Variants in SP110 observed in about 807,000 individuals in gnomAD.
SP110 encodes interferon-induced protein 41, 30kD.
A neutral mutation model predicts 92.7 loss-of-function variants in SP110; 62 were observed. The observed-to-expected ratio is 0.67, with a 90% CI of 0.55 to 0.83. SP110 has a LOEUF of 0.83. Ranked by LOEUF, SP110 falls within the 40% of genes least tolerant of loss-of-function variation. SP110 has a pLI of 0.00. For missense variants in SP110, 793 were observed against 863.9 expected, an observed-to-expected ratio of 0.92 and a Z score of 1.03; for synonymous variants, 273 against 305.3, an observed-to-expected ratio of 0.89 and a Z score of 1.10.
intron 12 of SP110, among the ~76,000 whole-genome samples, chr2:230,180,858 T>A (rs770779274): frequency 6.6e-6 from 1 of 152,178 alleles, no homozygotes; most frequent in South Asian, 2.1e-4. Flanking sequence ...GCTTTCTAGG[T>A]TCATTTACAT....
Position 230,209,979 on chromosome 2 carries a change from C to A in SP110, c.781G>T (p.Asp261Tyr). The change falls in exon 7 of 19, where the codon GAC becomes TAC. Residue 261 changes from aspartate to tyrosine, a missense_variant. Transcript: ENST00000258381. ...GACACCTCCTGGGGCTCTTCTGGGTCATTTGGTTCTGGAGAATTATCTCTT... is the reference window on the plus strand; with the variant it reads ...GACACCTCCTGGGGCTCTTCTGGGTAATTTGGTTCTGGAGAATTATCTCTT... ...EIRDNSPEPN[D>Y]PEEPQEVSST... 1 of 1,609,158 alleles carries A rather than the reference C, an allele frequency of 6.2e-7. No homozygotes were observed. Among genetic ancestry groups the A allele is most frequent in the South Asian group, 1.1e-5 (1 of 91,002 alleles).
chr2:230,175,511 C>A (rs781459375), intron 14 of SP110, among the ~76,000 whole-genome samples: 1 of 152,176 alleles, frequency 6.6e-6, no homozygotes, highest in Non-Finnish European at 1.5e-5. Context: ...GTATTTCAGA[C>A]CAGCATGGGA....
upstream of SP110, among the ~76,000 whole-genome samples, chr2:230,223,576 G>A (rs1209858022): frequency 6.6e-6 from 1 of 152,194 alleles, no homozygotes; most frequent in African/African-American, 2.4e-5. Flanking sequence ...AAAATGTTGG[G>A]CACCAGAGGT....
intron 12 of SP110, among the ~76,000 whole-genome samples, chr2:230,181,726 G>C (rs990898607): frequency 6.6e-6 from 1 of 152,232 alleles, no homozygotes; most frequent in Non-Finnish European, 1.5e-5. Context: ...GAGCATTAGA[G>C]AGCTGCAAAT....
chr2:230,191,020 G>T (rs530308167), intron 10 of SP110, among the ~76,000 whole-genome samples: 49 of 152,200 alleles, frequency 3.2e-4, no homozygotes, highest in Non-Finnish European at 6.0e-4. Context: ...TTTTGCTTAG[G>T]ATTGTCCTAG....
intron 9 of SP110, 113 bp from the exon 10 acceptor site, chr2:230,201,078 CT>C: frequency 1.2e-6 from 1 of 815,470 alleles, no homozygotes; most frequent in Non-Finnish European, 2.2e-6. Context: ...GGCTCCAGGT[CT>C]TACCCTCCTA....
chr2:230,167,966 G>A lies in SP110; in HGVS notation c.*1158C>T, dbSNP rs1387471132. ...CAAATTGAGGAGTTTCTCACTAAAA[G>A]TGGGGAACTTGCACATGCCTGTAAT... On this transcript the variant is annotated 3_prime_UTR_variant, in exon 19 of 19. Transcript: ENST00000258381. 1.3e-5 allele frequency: 2 copies of A among 151,942 alleles called. No homozygotes were observed. Among genetic ancestry groups the A allele is most frequent in the Non-Finnish European group, 2.9e-5 (2 of 67,996 alleles). The allele number at this position is 151,942 out of a possible 1,614,324, so 9.4% of individuals were successfully genotyped here.
At chr2:230,218,360 A>T (rs2148962931) in intron 1 of SP110, among the ~76,000 whole-genome samples, 1 of 152,346 alleles carries the variant, frequency 6.6e-6, no homozygotes, top group South Asian at 2.1e-4. Flanking sequence ...CATGAAAAGA[A>T]TAATCCGCAA....
chr2:230,218,843 A>G (rs2148966231), intron 1 of SP110, among the ~76,000 whole-genome samples: 1 of 152,350 alleles, frequency 6.6e-6, no homozygotes, highest in East Asian at 1.9e-4. Flanking sequence ...TAGAAAATAA[A>G]AAAGCAAAAT....
chr2:230,213,732 AG>A (rs2148931775), intron 3 of SP110: 1 of 152,812 alleles, frequency 6.5e-6, no homozygotes, highest in South Asian at 2.1e-4. Context: ...CAAAATCATC[AG>A]GTTGAAGATC....
chr2:230,177,513 C>T (rs1302058443), intron 14 of SP110, 25 bp downstream of exon 14: 9 of 1,612,498 alleles, frequency 5.6e-6, no homozygotes, highest in Non-Finnish European at 7.6e-6. Context: ...AAACCTGTCA[C>T]CTATCTGTCC....
At chr2:230,173,650 G>C (rs1254755791) in intron 14 of SP110, 2 of 152,144 alleles carry the variant, frequency 1.3e-5, no homozygotes, top group Non-Finnish European at 2.9e-5. Flanking sequence ...TATCCCCACT[G>C]TTTCTCCATT....
chr2:230,212,924 G>C lies in SP110; in HGVS notation c.420C>G (p.Pro140=). The C allele has an allele frequency of 6.2e-7, 1 of 1,614,070 alleles. No homozygotes were observed. The highest frequency in any genetic ancestry group is 8.5e-7 in the Non-Finnish European group (1 of 1,179,994). Residue 140 remains proline (P), a synonymous_variant, in exon 4 of 19, where the codon CCC becomes CCG. Coordinates refer to ENST00000258381, the MANE Select transcript of SP110 (RefSeq NM_080424.4). Reference sequence around the variant, plus strand: ...AGCTTGGTTGAGGGGGTTGTGGTGGGGGCAGCGCCAGTGGGGTATGGAGGG... The same window carrying C: ...AGCTTGGTTGAGGGGGTTGTGGTGGCGGCAGCGCCAGTGGGGTATGGAGGG... ...GSSLHTPLAL[P]PPQPPQPSCS...
intron 10 of SP110, 46 bp downstream of exon 10, chr2:230,200,839 G>C (rs1400610993): frequency 1.5e-6 from 2 of 1,378,958 alleles, no homozygotes; most frequent in Non-Finnish European, 2.1e-6. Context: ...TCTGAATTTA[G>C]ATTCCTGGTG....
Position 230,204,345 on chromosome 2 carries a change from G to A in SP110, c.899-1617C>T, listed in dbSNP as rs376411504. On this transcript the variant is annotated intron_variant, in intron 8 of 18. Transcript: ENST00000258381. ...TCTCCCTAATCCTATAACGTGTAGA[G>A]CATTGTGAGAGTGGGCATCTCACTA... Among the ~76,000 whole-genome samples the A allele has an allele frequency of 1.6e-4, 25 of 152,002 alleles. No individual in the cohort carries two copies. In the East Asian group the frequency reaches 1.7e-3, roughly 11 times the overall value.
At chr2:230,204,278 C>T (rs1359940836) in intron 8 of SP110, among the ~76,000 whole-genome samples, 1 of 152,108 alleles carries the variant, frequency 6.6e-6, no homozygotes, top group Non-Finnish European at 1.5e-5. Context: ...CTTCTCTGAC[C>T]AGGGAGTGTT....
chr2:230,208,178 C>A lies in SP110; in HGVS notation c.830-119G>T, dbSNP rs2044084475. On this transcript the variant is annotated intron_variant, in intron 7 of 18. Transcript: ENST00000258381. The stretch of plus-strand genomic sequence containing the variant: ...CACATTGCTAGAAGTTCATTGGTGA[C>A]CTTAGGTGATGGTACTTCAGGGAGT... 1.8e-5 allele frequency: 12 copies of A among 668,908 alleles called. No individual in the cohort carries two copies. The South Asian group carries it at 2.0e-4, about 11-fold the overall frequency. The allele number at this position is 668,908 out of a possible 1,614,324, so 41.4% of individuals were successfully genotyped here.
intron 3 of SP110, 122 bp from the exon 4 acceptor site, chr2:230,213,149 G>T: frequency 1.1e-6 from 1 of 938,548 alleles, no homozygotes; most frequent in Non-Finnish European, 1.7e-6. Context: ...TGTCCCCCAG[G>T]TGCAGAGAAC....
At chr2:230,183,770 T>C (rs567383080) in intron 11 of SP110, 130 bp from the exon 12 acceptor site, 23 of 711,464 alleles carry the variant, frequency 3.2e-5, no homozygotes, top group Non-Finnish European at 5.6e-5. Context: ...TGAGTCCTTA[T>C]GAAAGGACTT....
Sources: gnomAD v4.1 joint callset for allele counts (sites outside exome capture counted in the v4.1 genomes callset) on GRCh38, gnomAD v4.1.1 for gene constraint, MANE v1.5 for transcripts, NCBI Gene and HGNC (gene_info 2026-07-23, HGNC 2026-07-21) for gene names.